AUTS2: variants seen among roughly 807,000 people sequenced by gnomAD.
The protein encoded by AUTS2 is activator of transcription and developmental regulator AUTS2.
Under a neutral mutation model 112.4 loss-of-function variants are expected in AUTS2, and 17 were observed. The ratio of observed to expected loss-of-function variants is 0.15; its 90% CI spans 0.10 to 0.23. The LOEUF is 0.23. Ranked by LOEUF, AUTS2 falls within the 10% of genes least tolerant of loss-of-function variation. The probability of loss-of-function intolerance (pLI) is 1.00; values close to 1 mark genes in which losing one functional copy is unlikely to be tolerated. For synonymous variants in AUTS2, 751 were observed against 702.7 expected, an observed-to-expected ratio of 1.07 and a Z score of -1.09; for missense variants, 1,510 against 1,701.6, an observed-to-expected ratio of 0.89 and a Z score of 1.98.
At chr7:70,413,051 TG>T (rs1402497961) in intron 4 of AUTS2, among the ~76,000 whole-genome samples, 1 of 152,206 alleles carries the variant, frequency 6.6e-6, no homozygotes, top group Admixed American at 6.5e-5. Context: ...ATGCCCTGTC[TG>T]GCACTACTGC....
At chr7:70,185,268 T>TTTTTTTTTTTTTTTTTTTTTTTTC (rs1809540179) in intron 4 of AUTS2, among the ~76,000 whole-genome samples, 1 of 145,834 alleles carries the variant, frequency 6.9e-6, no homozygotes, top group African/African-American at 2.6e-5. Context: ...TTTTTTTTTT[T>TTTTTTTTTTTTTTTTTTTTTTTTC]TTTTTTTTTT....
chr7:70,696,582 CGTAA>C (rs1165163800), intron 5 of AUTS2, among the ~76,000 whole-genome samples: 1 of 152,136 alleles, frequency 6.6e-6, no homozygotes, highest in African/African-American at 2.4e-5. Context: ...ATGAGGATCA[CGTAA>C]GTGTCTGTCT....
rs1268313363 is a variant in AUTS2, at chr7:70,694,741, C to G, written c.691-3828C>G. 2 of 148,144 alleles carry G rather than the reference C, an allele frequency of 1.4e-5. No homozygotes were observed. Among genetic ancestry groups the G allele is most frequent in the African/African-American group, 4.9e-5 (2 of 40,980 alleles). 9.2% of individuals were successfully genotyped at this position (148,144 alleles called of 1,614,324 possible). Reference sequence around the variant, plus strand: ...GCGAGCGCGGGCCGGGCGATCTCGGCGGGCGCGCTCCTCCCGCCGCCCGGG... The same window carrying G: ...GCGAGCGCGGGCCGGGCGATCTCGGGGGGCGCGCTCCTCCCGCCGCCCGGG... On this transcript the variant is annotated intron_variant, in intron 5 of 18. Coordinates refer to ENST00000342771, the MANE Select transcript of AUTS2 (RefSeq NM_015570.4). This position sits in a 1 kb window ranked among gnomAD's most constrained non-coding sequence, Gnocchi z 4.1.
chr7:70,029,737 G>C (rs2129556339), intron 2 of AUTS2, among the ~76,000 whole-genome samples: 1 of 152,256 alleles, frequency 6.6e-6, no homozygotes, highest in East Asian at 1.9e-4. Flanking sequence ...TCAGAGATCA[G>C]CAAACTTTTT....
At chr7:70,666,391 G>A (rs140626481) in intron 5 of AUTS2, among the ~76,000 whole-genome samples, 74 of 152,330 alleles carry the variant, frequency 4.9e-4, no homozygotes, top group African/African-American at 1.6e-3. Flanking sequence ...GTGGTGTCCT[G>A]GAGTAGAAGA....
At chr7:70,012,774 T>C (rs1799862776) in intron 2 of AUTS2, among the ~76,000 whole-genome samples, 1 of 152,348 alleles carries the variant, frequency 6.6e-6, no homozygotes, top group East Asian at 1.9e-4. Flanking sequence ...AAGAAAACTA[T>C]ATGATGTGAT....
intron 4 of AUTS2, among the ~76,000 whole-genome samples, chr7:70,358,692 A>C (rs1441661156): frequency 6.6e-6 from 1 of 152,156 alleles, no homozygotes; most frequent in Non-Finnish European, 1.5e-5. Context: ...GCCCATCCCC[A>C]CGACTTCATG....
At chr7:69,796,270 C>A (rs908267308) in intron 1 of AUTS2, among the ~76,000 whole-genome samples, 2 of 152,170 alleles carry the variant, frequency 1.3e-5, no homozygotes, top group Non-Finnish European at 2.9e-5. Flanking sequence ...GTAATCCCAA[C>A]ACTTTGGGAG....
intron 2 of AUTS2, among the ~76,000 whole-genome samples, chr7:70,096,458 C>T (rs1436027583): frequency 2.0e-5 from 3 of 151,480 alleles, no homozygotes; most frequent in Admixed American, 6.6e-5. Context: ...ATTAGCTGGG[C>T]ATGGTGGCGG....
At chr7:70,342,503 A>T (rs1791312410) in intron 4 of AUTS2, among the ~76,000 whole-genome samples, 1 of 152,070 alleles carries the variant, frequency 6.6e-6, no homozygotes, top group Non-Finnish European at 1.5e-5. Flanking sequence ...ACTTCCCATG[A>T]TGTTGGAAGT....
At chr7:70,604,810 T>G (rs1803648118) in intron 5 of AUTS2, among the ~76,000 whole-genome samples, 1 of 152,222 alleles carries the variant, frequency 6.6e-6, no homozygotes, top group Non-Finnish European at 1.5e-5. Context: ...GGCATCTAGC[T>G]GCAAGGGAGG....
At chr7:70,330,772 A>G (rs1296144623) in intron 4 of AUTS2, among the ~76,000 whole-genome samples, 1 of 152,176 alleles carries the variant, frequency 6.6e-6, no homozygotes, top group African/African-American at 2.4e-5. Flanking sequence ...GTGTCCGTCT[A>G]TTTATTCAAG....
intron 5 of AUTS2, among the ~76,000 whole-genome samples, chr7:70,675,103 C>T (rs558766923): frequency 2.0e-4 from 30 of 152,272 alleles, no homozygotes; most frequent in Non-Finnish European, 3.8e-4. Context: ...TCCTCCCCCC[C>T]CTCAACTCCC....
At chr7:70,128,914 A>G (rs1015764454) in intron 3 of AUTS2, among the ~76,000 whole-genome samples, 5 of 152,102 alleles carry the variant, frequency 3.3e-5, no homozygotes, top group African/African-American at 1.2e-4. Flanking sequence ...GCATCATTCC[A>G]GTCTCTTCTT....
In AUTS2 at chr7:70,631,016, G is replaced by A. The variant is rs553889152; in HGVS notation, c.691-67553G>A. 9.2e-5 allele frequency among the ~76,000 whole-genome samples: 14 copies of A among 152,158 alleles called. No homozygotes were observed. The highest frequency in any genetic ancestry group is 3.4e-4 in the African/African-American group (14 of 41,500). ...CGTACTTTAATGAAGAAGATAAAGC[G>A]GCCCGGCTGGTGTCCCACAGGCTCG... On this transcript the variant is annotated intron_variant, in intron 5 of 18. Coordinates refer to ENST00000342771, the MANE Select transcript of AUTS2 (RefSeq NM_015570.4). This position sits in a 1 kb window ranked among gnomAD's most constrained non-coding sequence, Gnocchi z 4.5.
chr7:69,747,169 G>A (rs973996039), intron 1 of AUTS2, among the ~76,000 whole-genome samples: 1 of 152,176 alleles, frequency 6.6e-6, no homozygotes, highest in African/African-American at 2.4e-5. Context: ...CCAAGAATTT[G>A]CATTATTTAC....
chr7:70,518,891 A>G (rs1305644227), intron 5 of AUTS2, among the ~76,000 whole-genome samples: 2 of 151,850 alleles, frequency 1.3e-5, no homozygotes, highest in East Asian at 3.9e-4. Context: ...TTTAGTAGAG[A>G]CGGGGTTTTA....
intron 6 of AUTS2, among the ~76,000 whole-genome samples, chr7:70,721,989 C>A (rs574822603): frequency 1.5e-4 from 23 of 152,172 alleles, no homozygotes; most frequent in Admixed American, 5.9e-4. Context: ...TCATATTGAA[C>A]TTTCCTTGCT....
intron 4 of AUTS2, among the ~76,000 whole-genome samples, chr7:70,423,407 C>A (rs1795303860): frequency 6.6e-6 from 1 of 152,212 alleles, no homozygotes; most frequent in Non-Finnish European, 1.5e-5. Context: ...TAGCTTCCTA[C>A]TTGTACCAGT....
Sources: gnomAD v4.1 joint callset for allele counts (sites outside exome capture counted in the v4.1 genomes callset) on GRCh38, gnomAD v4.1.1 for gene constraint, Gnocchi (gnomAD v3.1) non-coding constraint, MANE v1.5 for transcripts, NCBI Gene and HGNC (gene_info 2026-07-23, HGNC 2026-07-21) for gene names.